Variants in CSMD1 observed in about 807,000 individuals in gnomAD.
CSMD1 encodes the protein CUB and sushi domain-containing protein 1.
In CSMD1, 213 loss-of-function variants were observed where a neutral mutation model predicts 417.5. The ratio of observed to expected loss-of-function variants is 0.51; its 90% CI spans 0.46 to 0.57. The LOEUF is 0.57. CSMD1 is among the 20% of genes least tolerant of loss of function. CSMD1 has a pLI of 0.00. For missense variants in CSMD1, 6,923 were observed against 4,529.7 expected (o/e 1.53, Z -15.17); for synonymous variants, 2,862 against 1,736.8 (o/e 1.65, Z -16.11).
chr8:4,892,230 A>C (rs2117005377), intron 1 of CSMD1, among the ~76,000 whole-genome samples: 1 of 152,242 alleles, frequency 6.6e-6, no homozygotes, highest in Admixed American at 6.5e-5. Context: ...ATTGCCAATA[A>C]AATAGTGCTC....
At chr8:3,309,483 C>T (rs754688077) in intron 23 of CSMD1, among the ~76,000 whole-genome samples, 6 of 152,140 alleles carry the variant, frequency 3.9e-5, no homozygotes, top group Non-Finnish European at 7.4e-5. Flanking sequence ...AAATAGATGA[C>T]AGAAATGAAG....
chr8:4,667,912 C>T (rs768102332), intron 1 of CSMD1, among the ~76,000 whole-genome samples: 6 of 152,158 alleles, frequency 3.9e-5, no homozygotes, highest in Non-Finnish European at 8.8e-5. Context: ...GTTAGAGTGG[C>T]CATCTTTGCC....
At chr8:4,791,269 C>T (rs1241520236) in intron 1 of CSMD1, among the ~76,000 whole-genome samples, 14 of 152,152 alleles carry the variant, frequency 9.2e-5, no homozygotes, top group Admixed American at 9.2e-4. Context: ...CTGTCATGGA[C>T]ACAGACCTTC....
intron 2 of CSMD1, among the ~76,000 whole-genome samples, chr8:4,562,540 A>T (rs1476211060): frequency 6.6e-6 from 1 of 152,228 alleles, no homozygotes; most frequent in Non-Finnish European, 1.5e-5. Context: ...TAGTTATTAA[A>T]TAAGTATACA....
At chr8:3,709,696 T>TTTTTTTTTTTTTTTTTTTTTTTTTTC (rs1801394232) in intron 6 of CSMD1, among the ~76,000 whole-genome samples, 1 of 131,396 alleles carries the variant, frequency 7.6e-6, no homozygotes, top group Non-Finnish European at 1.6e-5. Flanking sequence ...TTTTTTTTTT[T>TTTTTTTTTTTTTTTTTTTTTTTTTTC]TTTTTTTTTT....
chr8:3,502,201 A>G (rs763106974), intron 10 of CSMD1, among the ~76,000 whole-genome samples: 5 of 151,878 alleles, frequency 3.3e-5, no homozygotes, highest in Non-Finnish European at 5.9e-5. Context: ...CGTCTCTACT[A>G]AAAATATAAA....
At chr8:4,637,628 C>G in intron 1 of CSMD1, 70 bp from the exon 2 acceptor site, 3 of 586,708 alleles carry the variant, frequency 5.1e-6, no homozygotes, top group Middle Eastern at 6.8e-4. Flanking sequence ...TAAAAAATTT[C>G]TAAACACTTT....
chr8:4,301,128 G>C (rs538720541), intron 3 of CSMD1, among the ~76,000 whole-genome samples: 13 of 152,176 alleles, frequency 8.5e-5, no homozygotes, highest in African/African-American at 2.9e-4. Flanking sequence ...CCGTGTTTGA[G>C]GAGAGGAATG....
At chr8:3,777,243 G>A (rs761579488) in intron 5 of CSMD1, among the ~76,000 whole-genome samples, 2 of 151,882 alleles carry the variant, frequency 1.3e-5, no homozygotes, top group African/African-American at 2.4e-5. Context: ...AGCTCCTTAA[G>A]GGCAGGGGTT....
chr8:3,322,639 G>A (rs1196858285), intron 23 of CSMD1, among the ~76,000 whole-genome samples: 5 of 152,100 alleles, frequency 3.3e-5, no homozygotes, highest in African/African-American at 7.2e-5. Context: ...TTGTAGGGAC[G>A]CCCCTGGTCA....
At chr8:4,865,247 TA>T (rs1449049453) in intron 1 of CSMD1, among the ~76,000 whole-genome samples, 4 of 151,966 alleles carry the variant, frequency 2.6e-5, no homozygotes, top group Admixed American at 2.6e-4. Flanking sequence ...TGTACCAACA[TA>T]AAACTTCTAT....
intron 1 of CSMD1, among the ~76,000 whole-genome samples, chr8:4,897,951 T>A (rs969097620): frequency 3.3e-5 from 5 of 152,148 alleles, no homozygotes; most frequent in Non-Finnish European, 7.3e-5. Flanking sequence ...GTCTAATTTT[T>A]ATAATATGCT....
chr8:3,558,776 G>A (rs1314569852), intron 10 of CSMD1, among the ~76,000 whole-genome samples: 13 of 150,612 alleles, frequency 8.6e-5, no homozygotes, highest in South Asian at 2.1e-4. Context: ...AGTACCCCGC[G>A]TCCACTCCTC....
At chr8:3,506,013 A>G (rs1043607995) in intron 10 of CSMD1, among the ~76,000 whole-genome samples, 1 of 152,256 alleles carries the variant, frequency 6.6e-6, no homozygotes, top group Non-Finnish European at 1.5e-5. Context: ...TTATTCTTAC[A>G]TATTAAACAA....
Position 4,427,111 on chromosome 8 carries a change from T to C in CSMD1, c.303-7046A>G, listed in dbSNP as rs560192401. Among the ~76,000 whole-genome samples the C allele has an allele frequency of 2.0e-5, 3 of 152,042 alleles. No individual in the cohort carries two copies. In the East Asian group the frequency reaches 5.8e-4, roughly 29 times the overall value. ...GGCTGTGGCTCCTGGGAGGTCACCA[T>C]CCTTATAGAAAGCCTCTCCTGCCAG... On this transcript the variant is annotated intron_variant, in intron 2 of 69. Coordinates refer to ENST00000635120, the MANE Select transcript of CSMD1 (RefSeq NM_033225.6).
At chr8:4,798,344 T>A (rs1798095373) in intron 1 of CSMD1, among the ~76,000 whole-genome samples, 1 of 152,232 alleles carries the variant, frequency 6.6e-6, no homozygotes, top group Admixed American at 6.5e-5. Context: ...CATGAACTCA[T>A]CCTTTTTTAT....
chr8:4,982,242 G>C (rs1052294725), intron 1 of CSMD1, among the ~76,000 whole-genome samples: 1 of 152,168 alleles, frequency 6.6e-6, no homozygotes, highest in African/African-American at 2.4e-5. Context: ...AAGCTGTTGC[G>C]TTTGCAATAA....
intron 1 of CSMD1, among the ~76,000 whole-genome samples, chr8:4,837,671 G>C (rs1408418859): frequency 6.6e-6 from 1 of 152,048 alleles, no homozygotes; most frequent in African/African-American, 2.4e-5. Flanking sequence ...AAAAAAGTTA[G>C]AATAAATAAA....
At chr8:3,186,311 A>C (rs1821755933) in intron 36 of CSMD1, among the ~76,000 whole-genome samples, 1 of 152,160 alleles carries the variant, frequency 6.6e-6, no homozygotes, top group African/African-American at 2.4e-5. Flanking sequence ...AGGGGAAGAA[A>C]GAGGGATTTC....
Sources: allele counts gnomAD v4.1 joint callset (sites outside exome capture counted in the v4.1 genomes callset), GRCh38; gene constraint gnomAD v4.1.1; transcripts MANE v1.5; gene names NCBI Gene and HGNC (gene_info 2026-07-23, HGNC 2026-07-21).